MYO15A: variants seen among roughly 807,000 people sequenced by gnomAD.
The protein encoded by MYO15A is unconventional myosin-XV.
MYO15A carries 308 observed loss-of-function variants against 394.6 expected under a neutral mutation model. The ratio of observed to expected loss-of-function variants is 0.78; its 90% CI spans 0.71 to 0.86. The LOEUF is 0.86. Among genes scored for constraint, MYO15A ranks in the 40% least tolerant of loss-of-function variants. The pLI, the probability that MYO15A is intolerant of heterozygous loss-of-function variation, is 0.00. For synonymous variants in MYO15A, 1,957 were observed against 2,003.8 expected, an observed-to-expected ratio of 0.98 and a Z score of 0.62; for missense variants, 4,606 against 4,799.1, an observed-to-expected ratio of 0.96 and a Z score of 1.19.
chr17:18,159,911 T>C (rs766363942), intron 55 of MYO15A, 24 bp from the exon 56 acceptor site: 24 of 1,612,762 alleles, frequency 1.5e-5, no homozygotes, highest in Non-Finnish European at 2.0e-5. Flanking sequence ...GTCTTTGGTG[T>C]GTAACCTCCC....
chr17:18,127,149 G>T lies in MYO15A; in HGVS notation c.4016G>T (p.Arg1339Leu), dbSNP rs368407094. ...LRYLAAMNQKREVMQQIKILE... is the reference protein window; with the variant it reads ...LRYLAAMNQKLEVMQQIKILE... ...TACCTGGCCGCCATGAACCAGAAAC[G>T]GGAGGTCATGCAGCAGGTGAGTCTA... The change falls in exon 7 of 66, where the codon CGG becomes CTG. Residue 1339 changes from arginine to leucine, a missense_variant. Physicochemically the swap from Arg to Leu is moderately radical, Grantham distance 102 (BLOSUM62 -2). Transcript: ENST00000647165. 8.1e-6 allele frequency: 13 copies of T among 1,613,786 alleles called. No individual in the cohort carries two copies. The Admixed American group carries it at 1.5e-4, about 19-fold the overall frequency.
chr17:18,144,581 A>G lies in MYO15A; in HGVS notation c.6262A>G (p.Ile2088Val), dbSNP rs912643855. The G allele has an allele frequency of 4.3e-6, 7 of 1,612,412 alleles. No homozygotes were observed. Among genetic ancestry groups the G allele is most frequent in the Non-Finnish European group, 5.9e-6 (7 of 1,179,976 alleles). The change falls in exon 29 of 66, where the codon ATC (isoleucine) becomes GTC (valine). Residue 2088 changes from isoleucine (I) to valine (V), a missense_variant. Transcript: ENST00000647165. ...PAEHHAEAVS[I>V]FKLILRFMGD... Reference sequence around the variant, plus strand: ...CGAGCACCATGCAGAAGCCGTGAGCATCTTCAAGCTGGTATGGGGTCTGCC... The same window carrying G: ...CGAGCACCATGCAGAAGCCGTGAGCGTCTTCAAGCTGGTATGGGGTCTGCC...
chr17:18,143,733 G>A lies in MYO15A; in HGVS notation c.5983G>A (p.Val1995Ile). 1.3e-6 allele frequency: 2 copies of A among 1,598,534 alleles called. No homozygotes were observed. Among genetic ancestry groups the A allele is most frequent in the East Asian group, 2.3e-5 (1 of 44,044 alleles). ...CCTCTAGGAGCTGAGCAAGCGGGAG[G>A]TAGTCGCTGTGGGGCACCTGGAGGT... Reference protein sequence around the residue: ...WEQEELSKREVVAVGHLEVPA... With the variant: ...WEQEELSKREIVAVGHLEVPA... Residue 1995 changes from valine to isoleucine, a missense_variant, in exon 27 of 66, where the codon GTA (valine) becomes ATA (isoleucine). Physicochemically the swap from Val to Ile is conservative, Grantham distance 29 (BLOSUM62 3). Around this residue, in one of 2 missense-constraint regions of MYO15A, gnomAD observed 2,776 missense variants for 3,109.3 expected, o/e 0.89. Coordinates refer to ENST00000647165, the MANE Select transcript of MYO15A (RefSeq NM_016239.4).
chr17:18,125,564 G>T, intron 4 of MYO15A: 1 of 350,070 alleles, frequency 2.9e-6, no homozygotes, highest in South Asian at 2.4e-5. Flanking sequence ...TTAGCCAGGT[G>T]TAGGTGGTGC....
rs188269446 is a variant in MYO15A, at chr17:18,135,824, C to A, written c.4596C>A (p.Thr1532=). 6.2e-7 allele frequency: 1 copy of A among 1,613,200 alleles called. No homozygotes were observed. Among genetic ancestry groups the A allele is most frequent in the Admixed American group, 1.7e-5 (1 of 59,986 alleles). ...GLQKAITFKV[T]ETMREKIFTP... ...AGAAGGCCATCACCTTCAAAGTGAC[C>A]GTGAGTCTGTGGGCATCTGGCCTTC... is the stretch of plus-strand genomic sequence containing the variant. Residue 1532 remains threonine (T), a splice_region_variant and synonymous_variant, in exon 13 of 66, where the codon ACC becomes ACA. Transcript: ENST00000647165.
chr17:18,158,987 G>A lies in MYO15A; in HGVS notation c.9146G>A (p.Cys3049Tyr). Reference protein sequence around the residue: ...RESRTLEDMLCFTKTPLQESL... With the variant: ...RESRTLEDMLYFTKTPLQESL... ...TCCAGAACCTTGGAGGACATGCTTT[G>A]CTTCACCAAGGTGTCCAGTCCCGGA... Residue 3049 changes from cysteine to tyrosine, a missense_variant, in exon 53 of 66, where the codon TGC becomes TAC. Around this residue, in one of 2 missense-constraint regions of MYO15A, gnomAD observed 2,776 missense variants for 3,109.3 expected, o/e 0.89. Transcript: ENST00000647165. The A allele has an allele frequency of 6.2e-7, 1 of 1,613,948 alleles. No individual in the cohort carries two copies. Among genetic ancestry groups the A allele is most frequent in the Non-Finnish European group, 8.5e-7 (1 of 1,179,874 alleles).
At position 18,138,679 on chromosome 17, in the gene MYO15A, G is replaced by A. The variant is rs1027199885; in HGVS notation, c.5008-132G>A. The A allele has an allele frequency of 3.9e-6, 5 of 1,284,740 alleles. No homozygotes were observed. The African/African-American group carries it at 5.9e-5, about 15-fold the overall frequency. 79.6% of individuals were successfully genotyped at this position (1,284,740 alleles called of 1,614,324 possible). A position where few individuals can be genotyped will look rare whatever the true frequency, so the allele number is the denominator to read the frequency against. On this transcript the variant is annotated intron_variant, in intron 17 of 65. Transcript: ENST00000647165. ...GCCTTCTGACCCAGGGAGATGGGCA[G>A]CCATGGGAAGCTGTGAGTTGTTCCT...
At chr17:18,116,535 T>C (rs2045787845) in intron 1 of MYO15A, among the ~76,000 whole-genome samples, 1 of 152,188 alleles carries the variant, frequency 6.6e-6, no homozygotes, top group Non-Finnish European at 1.5e-5. Context: ...GAGAGTCCCA[T>C]GAGACCACTG....
intron 40 of MYO15A, 50 bp from the exon 41 acceptor site, chr17:18,151,796 G>A (rs758152870): frequency 5.3e-6 from 8 of 1,506,650 alleles, no homozygotes; most frequent in Non-Finnish European, 7.2e-6. Flanking sequence ...ACTATGTGAT[G>A]GGAAAGGGAG....
At chr17:18,165,780 T>A (rs932064886) in intron 60 of MYO15A, among the ~76,000 whole-genome samples, 1 of 152,202 alleles carries the variant, frequency 6.6e-6, no homozygotes, top group African/African-American at 2.4e-5. Flanking sequence ...CTCCCTCTCT[T>A]TAGTAAGATT....
At chr17:18,126,216 G>A in intron 4 of MYO15A, 131 bp from the exon 5 acceptor site, 1 of 769,212 alleles carries the variant, frequency 1.3e-6, no homozygotes, top group Non-Finnish European at 2.3e-6. Flanking sequence ...GGCTCTAGAT[G>A]GGAATCCCGA....
At chr17:18,168,245 A>C (rs556269423) in intron 62 of MYO15A, among the ~76,000 whole-genome samples, 14 of 152,248 alleles carry the variant, frequency 9.2e-5, no homozygotes, top group African/African-American at 3.4e-4. Context: ...TATGTTGACC[A>C]GGCTGAATTT....
chr17:18,139,498 G>C (rs750581517), intron 18 of MYO15A, 36 bp from the exon 19 acceptor site: 1 of 1,606,100 alleles, frequency 6.2e-7, no homozygotes, highest in East Asian at 2.2e-5. Context: ...GAGAGACAGA[G>C]GCCAGGATTA....
At position 18,150,411 on chromosome 17, in the gene MYO15A, G is replaced by T; in HGVS notation, c.7213-18G>T. On this transcript the variant is annotated intron_variant, in intron 35 of 65. Transcript: ENST00000647165. The surrounding 1 kb of genome is among the most constrained non-coding windows in gnomAD (Gnocchi z 4.4). ...GTACAATAATGAGATGGTCACTTGA[G>T]CCACCCACTGCCCCCAGGACCTGGA... is the stretch of plus-strand genomic sequence containing the variant. 6.2e-7 allele frequency: 1 copy of T among 1,610,158 alleles called. No homozygotes were observed. The highest frequency in any genetic ancestry group is 8.5e-7 in the Non-Finnish European group (1 of 1,176,516).
In MYO15A at chr17:18,148,170, T is replaced by C. The variant is rs763128682; in HGVS notation, c.6651T>C (p.Tyr2217=). ...PPTQLEWTAT[Y]EKASMALDVG... ...CCCAGCTCGAGTGGACAGCGACCTA[T>C]GAGAAGGCCAGCATGGCGCTGGACG... is the stretch of plus-strand genomic sequence containing the variant. The change falls in exon 31 of 66, where the codon TAT becomes TAC. Residue 2217 remains tyrosine (Y), a synonymous_variant. Transcript: ENST00000647165. The surrounding 1 kb of genome is among the most constrained non-coding windows in gnomAD (Gnocchi z 4.8). The C allele has an allele frequency of 8.7e-6, 14 of 1,613,650 alleles. No individual in the cohort carries two copies. The highest frequency in any genetic ancestry group is 1.7e-5 in the Admixed American group (1 of 60,014).
In MYO15A at chr17:18,166,418, T is replaced by C. The variant is rs1597819330; in HGVS notation, c.9845T>C (p.Met3282Thr). ...RAYILDVASEMEQVDGGYMLW... is the reference protein window; with the variant it reads ...RAYILDVASETEQVDGGYMLW... ...TACATCCTGGATGTGGCCTCAGAGATGGAGCAGGTGGACGGCGGCTACATG... is the reference window on the plus strand; with the variant it reads ...TACATCCTGGATGTGGCCTCAGAGACGGAGCAGGTGGACGGCGGCTACATG... The change falls in exon 61 of 66, where the codon ATG becomes ACG. Residue 3282 changes from methionine to threonine, a missense_variant. Met to Thr is a moderately conservative substitution (Grantham distance 81). Transcript: ENST00000647165. The C allele has an allele frequency of 1.2e-6, 2 of 1,613,960 alleles. No individual in the cohort carries two copies. The highest frequency in any genetic ancestry group is 1.3e-5 in the African/African-American group (1 of 74,944).
chr17:18,158,726 GC>G, intron 52 of MYO15A, 88 bp downstream of exon 52: 1 of 1,508,450 alleles, frequency 6.6e-7, no homozygotes. Context: ...AGTCTCGGAG[GC>G]CCCACTTCTG....
chr17:18,155,393 A>G lies in MYO15A; in HGVS notation c.8420A>G (p.Gln2807Arg). ...CTCCTGAGGATGGTCAAGGGTGGCC[A>G]GGAGGCCGGCGGGCAGCTGCGGGTC... ...IKLLRMVKGG[Q>R]EAGGQLRVLR... The change falls in exon 47 of 66, where the codon CAG becomes CGG. Residue 2807 changes from glutamine (Q) to arginine (R), a missense_variant. By Grantham distance (43) the Gln-to-Arg change is conservative. Around this residue, in one of 2 missense-constraint regions of MYO15A, gnomAD observed 2,776 missense variants for 3,109.3 expected, o/e 0.89. Coordinates refer to ENST00000647165, the MANE Select transcript of MYO15A (RefSeq NM_016239.4). 6.2e-7 allele frequency: 1 copy of G among 1,613,642 alleles called. No homozygotes were observed.
At chr17:18,149,019 C>G in intron 33 of MYO15A, 67 bp downstream of exon 33, 1 of 1,532,744 alleles carries the variant, frequency 6.5e-7, no homozygotes, top group Non-Finnish European at 8.8e-7. Context: ...CACTCCCAGG[C>G]AGAAGGCCTG....
Sources: allele counts gnomAD v4.1 joint callset (sites outside exome capture counted in the v4.1 genomes callset), GRCh38; gene constraint gnomAD v4.1.1; regional missense constraint gnomAD v4.1.1; non-coding constraint Gnocchi (gnomAD v3.1); transcripts MANE v1.5; gene names NCBI Gene and HGNC (gene_info 2026-07-23, HGNC 2026-07-21).